The following ROPN1L variants were observed in gnomAD, a reference collection of about 807,000 sequenced individuals.
ROPN1L encodes rhophilin associated tail protein 1 like, also known as ropporin-1-like protein.
Under a neutral mutation model 22.7 loss-of-function variants are expected in ROPN1L, and 23 were observed. That is an observed-to-expected ratio of 1.01 (90% CI 0.73 to 1.43). The LOEUF is 1.43. ROPN1L is among the 40% of genes most tolerant of loss of function. The pLI is 0.00. For missense variants in ROPN1L, 271 were observed against 291.5 expected (o/e 0.93, Z 0.51); for synonymous variants, 116 against 117.8 (o/e 0.98, Z 0.10).
chr5:10,478,736 G>A, the ROPN1L span, among the ~76,000 whole-genome samples: 1 of 152,064 alleles, frequency 6.6e-6, no homozygotes, highest in Admixed American at 6.6e-5. Context: ...TGAGGTTCTG[G>A]GTGGACATGA....
intron 3 of ROPN1L, among the ~76,000 whole-genome samples, chr5:10,460,023 G>A (rs1734986135): frequency 1.3e-5 from 2 of 152,214 alleles, no homozygotes; most frequent in Admixed American, 1.3e-4. Context: ...AGGCAGGTAT[G>A]AGATAGCCAC....
chr5:10,456,562 A>T (rs1741427371), intron 3 of ROPN1L, among the ~76,000 whole-genome samples: 1 of 152,202 alleles, frequency 6.6e-6, no homozygotes, highest in African/African-American at 2.4e-5. Context: ...TGGGAGAATA[A>T]ATCAGCCACA....
intron 3 of ROPN1L, among the ~76,000 whole-genome samples, chr5:10,453,179 GT>G (rs1302648615): frequency 7.2e-5 from 11 of 152,202 alleles, no homozygotes; most frequent in Non-Finnish European, 1.0e-4. Context: ...TAGACTCAGG[GT>G]CAGGTTCAAG....
At chr5:10,464,450 T>C (rs796677050) in intron 4 of ROPN1L, among the ~76,000 whole-genome samples, 11 of 152,368 alleles carry the variant, frequency 7.2e-5, no homozygotes, top group African/African-American at 2.4e-4. Flanking sequence ...TCTTCTTTTG[T>C]GCTCTCTGAT....
At chr5:10,479,571 G>A in the ROPN1L span, among the ~76,000 whole-genome samples, 1 of 152,154 alleles carries the variant, frequency 6.6e-6, no homozygotes, top group Admixed American at 6.5e-5. Flanking sequence ...CTGGAAACCC[G>A]AGGGAGAGCA....
At chr5:10,450,903 C>T (rs368840350) in intron 3 of ROPN1L, among the ~76,000 whole-genome samples, 13 of 152,210 alleles carry the variant, frequency 8.5e-5, no homozygotes, top group Admixed American at 3.3e-4. Flanking sequence ...CTCCAGGTGA[C>T]GAGGCGAGCC....
chr5:10,445,304 G>A (rs1436579707), intron 1 of ROPN1L, among the ~76,000 whole-genome samples: 3 of 152,100 alleles, frequency 2.0e-5, no homozygotes, highest in African/African-American at 7.2e-5. Flanking sequence ...GAAAACCCAG[G>A]TATTATTCAT....
intron 4 of ROPN1L, among the ~76,000 whole-genome samples, chr5:10,463,793 G>A (rs1288671356): frequency 6.6e-6 from 1 of 152,142 alleles, no homozygotes; most frequent in Non-Finnish European, 1.5e-5. Flanking sequence ...TAAGACAGTA[G>A]GTCATGTTCA....
At chr5:10,465,529 A>C (rs1232057445), downstream of ROPN1L, among the ~76,000 whole-genome samples, 1 of 149,734 alleles carries the variant, frequency 6.7e-6, no homozygotes, top group Non-Finnish European at 1.5e-5. Context: ...AAAAACAAAA[A>C]CAAAAACACA....
chr5:10,471,390 C>T (rs1030785995), intron 4 of ROPN1L, among the ~76,000 whole-genome samples: 5 of 152,100 alleles, frequency 3.3e-5, no homozygotes, highest in Non-Finnish European at 7.4e-5. Context: ...TCAAGTGATC[C>T]GCCTGCCTTG....
chr5:10,442,186 A>AT lies in ROPN1L; in HGVS notation c.20dup (p.Met7IlefsTer92). The AT allele has an allele frequency of 1.2e-6, 2 of 1,613,582 alleles. No individual in the cohort carries two copies. The highest frequency in any genetic ancestry group is 1.7e-6 in the Non-Finnish European group (2 of 1,179,778). ...GAGAGCGATGCCGCTTCCCGACACC[A>AT]TGTTCTGCGCTCAGCAGATCCACAT... is the stretch of plus-strand genomic sequence containing the variant. On this transcript the variant is annotated frameshift_variant, in exon 1 of 5. Transcript: ENST00000274134. LOFTEE classifies it high-confidence loss of function.
At chr5:10,473,595 G>A (rs1280711246), downstream of ROPN1L, among the ~76,000 whole-genome samples, 2 of 152,188 alleles carry the variant, frequency 1.3e-5, no homozygotes, top group East Asian at 1.9e-4. Flanking sequence ...TTGTGGTAAT[G>A]TGTTTCAACA....
chr5:10,449,581 TCTAA>T (rs1292217093), intron 2 of ROPN1L, among the ~76,000 whole-genome samples: 1 of 152,202 alleles, frequency 6.6e-6, no homozygotes, highest in Non-Finnish European at 1.5e-5. Context: ...ATCTCTCCTA[TCTAA>T]CTGTTAATGT....
At chr5:10,455,500 C>T (rs908544387) in intron 3 of ROPN1L, among the ~76,000 whole-genome samples, 1 of 152,222 alleles carries the variant, frequency 6.6e-6, no homozygotes, top group Non-Finnish European at 1.5e-5. Flanking sequence ...TGCTCATGTC[C>T]CTCCCTCTGT....
chr5:10,458,575 C>T (rs1178422137), intron 3 of ROPN1L, among the ~76,000 whole-genome samples: 1 of 99,734 alleles, frequency 1.0e-5, no homozygotes. Context: ...ACACCATCCC[C>T]CCTATGTACA....
intron 3 of ROPN1L, among the ~76,000 whole-genome samples, chr5:10,453,455 G>T (rs1248330394): frequency 6.6e-6 from 1 of 152,076 alleles, no homozygotes; most frequent in Non-Finnish European, 1.5e-5. Flanking sequence ...TCAAGGAGGG[G>T]TTTCTTCATG....
intron 4 of ROPN1L, among the ~76,000 whole-genome samples, chr5:10,471,567 G>A (rs1056059954): frequency 6.6e-6 from 1 of 152,210 alleles, no homozygotes; most frequent in Non-Finnish European, 1.5e-5. Context: ...AGGGCTGAGG[G>A]GAGCCCACAA....
the ROPN1L span, among the ~76,000 whole-genome samples, chr5:10,478,942 A>G: frequency 6.6e-6 from 1 of 152,228 alleles, no homozygotes; most frequent in Non-Finnish European, 1.5e-5. Context: ...ATATGTGATG[A>G]TGATGAGGAT....
chr5:10,458,787 C>T (rs1734926938), intron 3 of ROPN1L, among the ~76,000 whole-genome samples: 1 of 57,626 alleles, frequency 1.7e-5, no homozygotes, highest in South Asian at 6.4e-4. Context: ...ACCATTCCCC[C>T]GTGTACACCA....
Sources: gnomAD v4.1 joint callset for allele counts (sites outside exome capture counted in the v4.1 genomes callset) on GRCh38, gnomAD v4.1.1 for gene constraint, MANE v1.5 for transcripts, NCBI Gene and HGNC (gene_info 2026-07-23, HGNC 2026-07-21) for gene names.